SYBU: variants seen among roughly 807,000 people sequenced by gnomAD.
The protein encoded by SYBU is GOLSYN A protein.
SYBU carries 21 observed loss-of-function variants against 35.9 expected under a neutral mutation model. That is an observed-to-expected ratio of 0.58 (90% CI 0.41 to 0.84). The LOEUF is 0.84. SYBU is among the 40% of genes least tolerant of loss of function. SYBU has a pLI of 0.00. For missense variants in SYBU, 768 were observed against 848.2 expected, an observed-to-expected ratio of 0.91 and a Z score of 1.17; for synonymous variants, 319 against 324.3, an observed-to-expected ratio of 0.98 and a Z score of 0.18.
In SYBU at chr8:109,574,891, A is replaced by G; in HGVS notation, c.*15T>C. 1 of 1,510,656 alleles carries G rather than the reference A, an allele frequency of 6.6e-7. No individual in the cohort carries two copies. Among genetic ancestry groups the G allele is most frequent in the East Asian group, 2.3e-5 (1 of 43,862 alleles). The allele number at this position is 1,510,656 out of a possible 1,614,324, so 93.6% of individuals were successfully genotyped here. A position where few individuals can be genotyped will look rare whatever the true frequency, so the allele number is the denominator to read the frequency against. ...CACATGGGACACATTGGCACACGGT[A>G]ACAACAACTTCTATTTAGGTTTTGA... On this transcript the variant is annotated 3_prime_UTR_variant, in exon 7 of 7. Transcript: ENST00000276646.
At chr8:109,577,632 C>A (rs1341873084) in intron 6 of SYBU, among the ~76,000 whole-genome samples, 3 of 152,144 alleles carry the variant, frequency 2.0e-5, no homozygotes, top group Non-Finnish European at 4.4e-5. Flanking sequence ...CAAAAAACGA[C>A]AACAACAACG....
chr8:109,636,483 T>G (rs1037957268), intron 2 of SYBU, among the ~76,000 whole-genome samples: 2 of 152,356 alleles, frequency 1.3e-5, no homozygotes, highest in South Asian at 4.1e-4. Context: ...CATTCATTTT[T>G]GTAGCCTAAG....
At chr8:109,653,064 G>A (rs1816213225) in intron 1 of SYBU, among the ~76,000 whole-genome samples, 1 of 152,082 alleles carries the variant, frequency 6.6e-6, no homozygotes, top group Non-Finnish European at 1.5e-5. Flanking sequence ...AATTCACAAT[G>A]ACCCAGAGGA....
intron 2 of SYBU, among the ~76,000 whole-genome samples, chr8:109,620,911 G>C (rs1490573654): frequency 6.6e-6 from 1 of 152,146 alleles, no homozygotes; most frequent in Non-Finnish European, 1.5e-5. Flanking sequence ...AATTTTACAA[G>C]GCACAACAGG....
At chr8:109,631,408 C>G (rs1452484407) in intron 2 of SYBU, among the ~76,000 whole-genome samples, 1 of 152,154 alleles carries the variant, frequency 6.6e-6, no homozygotes, top group African/African-American at 2.4e-5. Context: ...GATAAACATT[C>G]CCAGGATTTC....
rs747193882 is a variant in SYBU, at chr8:109,575,682, G to C, written c.1216C>G (p.Pro406Ala). ...SPEKSLTLNP[P>A]LDTMADGLSL... is the part of the protein sequence containing the mutation. Reference sequence around the variant, plus strand: ...AACCCATCTGCCATTGTGTCAAGAGGGGGGTTGAGGGTTAAGCTCTTCTCT... The same window carrying C: ...AACCCATCTGCCATTGTGTCAAGAGCGGGGTTGAGGGTTAAGCTCTTCTCT... Residue 406 changes from proline (P) to alanine (A), a missense_variant, in exon 7 of 7, where the codon CCT becomes GCT. By Grantham distance (27) the Pro-to-Ala change is conservative (BLOSUM62 -1). Coordinates refer to ENST00000276646, the MANE Select transcript of SYBU (RefSeq NM_001099754.2). 16 of 1,614,022 alleles carry C rather than the reference G, an allele frequency of 9.9e-6. No homozygotes were observed. The highest frequency in any genetic ancestry group is 8.3e-5 in the Admixed American group (5 of 60,004).
intron 3 of SYBU, among the ~76,000 whole-genome samples, chr8:109,589,543 T>C (rs1003146656): frequency 6.6e-6 from 1 of 152,212 alleles, no homozygotes; most frequent in African/African-American, 2.4e-5. Context: ...GAAGGCACTT[T>C]TCCAACTCTC....
chr8:109,622,556 A>G (rs1307754822), intron 2 of SYBU, among the ~76,000 whole-genome samples: 1 of 152,160 alleles, frequency 6.6e-6, no homozygotes, highest in Non-Finnish European at 1.5e-5. Flanking sequence ...GATTCTGAGA[A>G]TAGTAAAGCC....
intron 2 of SYBU, among the ~76,000 whole-genome samples, chr8:109,640,857 C>T (rs1814795379): frequency 1.4e-5 from 2 of 146,768 alleles, no homozygotes; most frequent in Non-Finnish European, 3.0e-5. Flanking sequence ...TGCAGAATTT[C>T]CAACATACAA....
chr8:109,648,264 T>TATATATATATA (rs1554625548), upstream of SYBU, among the ~76,000 whole-genome samples: 13 of 145,184 alleles, frequency 9.0e-5, no homozygotes, highest in African/African-American at 3.1e-4. Context: ...TATACAATAA[T>TATATATATATA]ATATATATAT....
intron 1 of SYBU, among the ~76,000 whole-genome samples, chr8:109,656,143 A>C (rs1816346006): frequency 1.3e-5 from 2 of 152,140 alleles, no homozygotes; most frequent in South Asian, 4.1e-4. Flanking sequence ...CACACCATCT[A>C]GGTAGACCTA....
upstream of SYBU, among the ~76,000 whole-genome samples, chr8:109,684,079 C>A (rs1163533501): frequency 6.6e-6 from 1 of 152,122 alleles, no homozygotes; most frequent in Admixed American, 6.6e-5. Context: ...TACACTTCAC[C>A]TAATGCATAA....
chr8:109,630,772 G>T (rs151126327), intron 2 of SYBU, among the ~76,000 whole-genome samples: 30 of 152,264 alleles, frequency 2.0e-4, no homozygotes, highest in Middle Eastern at 3.4e-3. Flanking sequence ...CATGACCTTG[G>T]AGATAGCAAG....
At chr8:109,640,544 T>C (rs950918816) in intron 2 of SYBU, among the ~76,000 whole-genome samples, 1 of 152,056 alleles carries the variant, frequency 6.6e-6, no homozygotes, top group Admixed American at 6.5e-5. Context: ...GGGTGAGCTC[T>C]GGGCTCCAAA....
At chr8:109,663,217 A>G (rs1210016846) in intron 1 of SYBU, among the ~76,000 whole-genome samples, 1 of 152,052 alleles carries the variant, frequency 6.6e-6, no homozygotes, top group Non-Finnish European at 1.5e-5. Context: ...TCTCAGTCAT[A>G]TCTTATGTGT....
chr8:109,642,381 A>C (rs1262195691), intron 2 of SYBU, among the ~76,000 whole-genome samples: 1 of 152,200 alleles, frequency 6.6e-6, no homozygotes, highest in East Asian at 1.9e-4. Flanking sequence ...CCACCATGGC[A>C]TGTGTATACT....
At chr8:109,667,271 T>C (rs936186940) in intron 1 of SYBU, among the ~76,000 whole-genome samples, 3 of 151,926 alleles carry the variant, frequency 2.0e-5, no homozygotes, top group Non-Finnish European at 4.4e-5. Flanking sequence ...TGCCCACCAC[T>C]ACGCCTGGCT....
intron 2 of SYBU, among the ~76,000 whole-genome samples, chr8:109,630,100 A>T (rs1377522533): frequency 6.6e-6 from 1 of 151,958 alleles, no homozygotes; most frequent in African/African-American, 2.4e-5. Flanking sequence ...GCCATAAAAA[A>T]TGATGAGTTC....
chr8:109,640,504 G>T lies in SYBU; in HGVS notation c.229+2224C>A, dbSNP rs867156078. 4.6e-5 allele frequency among the ~76,000 whole-genome samples: 7 copies of T among 152,136 alleles called. No homozygotes were observed. The South Asian group carries it at 6.2e-4, about 14-fold the overall frequency. On this transcript the variant is annotated intron_variant, in intron 2 of 6. Transcript: ENST00000276646. ...ACACAAAGCTCTGTCAGTTTGAAAT[G>T]ACGTGCCCAGAGTTCATCCACACTC... is the stretch of plus-strand genomic sequence containing the variant.
Sources: gnomAD v4.1 joint callset for allele counts (sites outside exome capture counted in the v4.1 genomes callset) on GRCh38, gnomAD v4.1.1 for gene constraint, MANE v1.5 for transcripts, NCBI Gene and HGNC (gene_info 2026-07-23, HGNC 2026-07-21) for gene names.